The following CFAP61 variants were observed in gnomAD, a reference collection of about 807,000 sequenced individuals.
CFAP61 encodes cilia and flagella associated protein 61.
Under a neutral mutation model 135.6 loss-of-function variants are expected in CFAP61, and 107 were observed. The observed-to-expected ratio is 0.79, with a 90% CI of 0.67 to 0.93. The LOEUF (loss-of-function observed/expected upper bound fraction) is 0.93, where lower values mean the gene tolerates loss of function less well. Ranked by LOEUF, CFAP61 falls within the 40% of genes least tolerant of loss-of-function variation. CFAP61 has a pLI of 0.00. For missense variants in CFAP61, 1,507 were observed against 1,556.2 expected, an observed-to-expected ratio of 0.97 and a Z score of 0.53; for synonymous variants, 575 against 578.5, an observed-to-expected ratio of 0.99 and a Z score of 0.09.
intron 25 of CFAP61, chr20:20,323,086 G>A: frequency 7.1e-6 from 7 of 985,420 alleles, no homozygotes; most frequent in Non-Finnish European, 8.4e-6. Context: ...CTGGGGCCTA[G>A]CCCCATACCT....
At chr20:20,348,304 A>C (rs1380416818) in intron 26 of CFAP61, among the ~76,000 whole-genome samples, 1 of 152,206 alleles carries the variant, frequency 6.6e-6, no homozygotes, top group Non-Finnish European at 1.5e-5. Context: ...ATATTAAAGG[A>C]CTAAACACCC....
intron 8 of CFAP61, among the ~76,000 whole-genome samples, chr20:20,133,145 A>G (rs2050667622): frequency 6.6e-6 from 1 of 152,224 alleles, no homozygotes; most frequent in African/African-American, 2.4e-5. Context: ...ATCAGCCTCA[A>G]GATTTTGTTG....
At chr20:20,186,447 T>C (rs1375643417) in intron 13 of CFAP61, among the ~76,000 whole-genome samples, 1 of 152,222 alleles carries the variant, frequency 6.6e-6, no homozygotes, top group Non-Finnish European at 1.5e-5. Context: ...GGGTTGTTTT[T>C]TCTTGGGCTA....
chr20:20,323,442 A>G, intron 25 of CFAP61: 1 of 337,042 alleles, frequency 3.0e-6, no homozygotes, highest in Non-Finnish European at 4.2e-6. Context: ...TCTTCCCAAG[A>G]GTTAACATAT....
rs929958313 is a variant in CFAP61, at chr20:20,180,278, G to A, written c.1386-7652G>A. Among the ~76,000 whole-genome samples, 6 of 151,630 alleles carry A rather than the reference G, an allele frequency of 4.0e-5. No homozygotes were observed. In the South Asian group the frequency reaches 8.4e-4, roughly 21 times the overall value. The stretch of plus-strand genomic sequence containing the variant: ...CGCAAGGTGGAGCTTGCAGTGAGCC[G>A]AGATCACGCCACTGCACTCCAGCCT... On this transcript the variant is annotated intron_variant, in intron 13 of 26. Transcript: ENST00000245957.
intron 9 of CFAP61, 107 bp downstream of exon 9, chr20:20,143,055 T>C (rs2051549468): frequency 1.5e-6 from 1 of 665,638 alleles, no homozygotes. Flanking sequence ...GAAGTTCTAA[T>C]GCCTGATGCA....
At chr20:20,062,088 T>C (rs6075610) in intron 2 of CFAP61, among the ~76,000 whole-genome samples, 70,557 of 152,018 alleles carry the variant, frequency 0.46, 17,591 homozygotes, top group Non-Finnish European at 0.55. Flanking sequence ...AGAGAGGCCA[T>C]ATCGTAAGAG....
At chr20:20,243,307 G>T (rs892749108) in intron 18 of CFAP61, among the ~76,000 whole-genome samples, 4 of 152,150 alleles carry the variant, frequency 2.6e-5, no homozygotes, top group African/African-American at 7.2e-5. Flanking sequence ...TGGGAATTAT[G>T]GGAGCTACAA....
At chr20:20,195,583 G>C (rs151252330) in intron 15 of CFAP61, among the ~76,000 whole-genome samples, 3 of 151,496 alleles carry the variant, frequency 2.0e-5, no homozygotes, top group East Asian at 2.1e-4. Context: ...GGGGACAGAG[G>C]GGGGACCAGA....
chr20:20,204,850 G>T (rs1426466548), intron 17 of CFAP61, among the ~76,000 whole-genome samples: 1 of 152,032 alleles, frequency 6.6e-6, no homozygotes, highest in Non-Finnish European at 1.5e-5. Flanking sequence ...TTAAATCATC[G>T]CCATGAGTCC....
chr20:20,343,402 C>T (rs1005785714), intron 26 of CFAP61, among the ~76,000 whole-genome samples: 2 of 152,192 alleles, frequency 1.3e-5, no homozygotes, highest in Non-Finnish European at 2.9e-5. Context: ...AACCAAACAG[C>T]AGTGGCTTAG....
intron 4 of CFAP61, among the ~76,000 whole-genome samples, chr20:20,074,740 A>G (rs2045940174): frequency 6.6e-6 from 1 of 152,238 alleles, no homozygotes; most frequent in South Asian, 2.1e-4. Flanking sequence ...ACTTCAAAGC[A>G]TCCTGAATAA....
rs541194067 is a variant in CFAP61 at position 20,231,405 on chromosome 20, CTT to C, written c.2060+3032_2060+3033del. 1.4e-4 allele frequency among the ~76,000 whole-genome samples: 21 copies of C among 152,122 alleles called. No individual in the cohort carries two copies. The South Asian group carries it at 3.9e-3, about 29-fold the overall frequency. The stretch of plus-strand genomic sequence containing the variant: ...TCCTGGGGTGTCCCAGGATCCCAGT[CTT>C]TTACTTCCCCTGCTGTCCTCCGTGC... On this transcript the variant is annotated intron_variant, in intron 18 of 26. Transcript: ENST00000245957.
intron 8 of CFAP61, among the ~76,000 whole-genome samples, chr20:20,121,495 T>A (rs76084814): frequency 6.6e-6 from 1 of 151,860 alleles, no homozygotes; most frequent in Non-Finnish European, 1.5e-5. Flanking sequence ...GTTTTTAAAA[T>A]TTTTAAATAT....
chr20:20,299,463 A>G (rs1474950294), intron 25 of CFAP61, among the ~76,000 whole-genome samples: 2 of 152,242 alleles, frequency 1.3e-5, no homozygotes, highest in Non-Finnish European at 2.9e-5. Flanking sequence ...GAAGCCGTAG[A>G]TGATGTGTAA....
At chr20:20,290,620 A>G (rs750805940) in intron 24 of CFAP61, among the ~76,000 whole-genome samples, 35 of 152,150 alleles carry the variant, frequency 2.3e-4, no homozygotes, top group Non-Finnish European at 1.0e-4. Context: ...AGCCAACAGG[A>G]TATTGGGGAA....
chr20:20,093,529 G>A (rs911599701), intron 7 of CFAP61, among the ~76,000 whole-genome samples: 2 of 151,700 alleles, frequency 1.3e-5, no homozygotes, highest in African/African-American at 4.8e-5. Flanking sequence ...CCACCTCCCG[G>A]GTTCAAGTGA....
intron 3 of CFAP61, 73 bp downstream of exon 3, chr20:20,071,077 CTT>C: frequency 6.7e-7 from 1 of 1,491,240 alleles, no homozygotes; most frequent in Non-Finnish European, 9.2e-7. Flanking sequence ...GTGATTATGT[CTT>C]TCCAAGTTTT....
intron 8 of CFAP61, among the ~76,000 whole-genome samples, chr20:20,104,407 G>C (rs2048236358): frequency 6.6e-6 from 1 of 152,112 alleles, no homozygotes; most frequent in Non-Finnish European, 1.5e-5. Flanking sequence ...CTGTGTCGGA[G>C]CTAAAAAACA....
Sources: allele counts gnomAD v4.1 joint callset (sites outside exome capture counted in the v4.1 genomes callset), GRCh38; gene constraint gnomAD v4.1.1; transcripts MANE v1.5; gene names NCBI Gene and HGNC (gene_info 2026-07-23, HGNC 2026-07-21).